Variants in SLC39A10 observed in about 807,000 individuals in gnomAD.
The protein encoded by SLC39A10 is zinc transporter ZIP10.
A neutral mutation model predicts 65.1 loss-of-function variants in SLC39A10; 13 were observed. The observed-to-expected ratio is 0.20, with a 90% CI of 0.13 to 0.32. The LOEUF is 0.32. Among genes scored for constraint, SLC39A10 ranks in the 10% least tolerant of loss-of-function variants. The pLI, the probability that SLC39A10 is intolerant of heterozygous loss-of-function variation, is 1.00. For synonymous variants in SLC39A10, 321 were observed against 342.2 expected, an observed-to-expected ratio of 0.94 and a Z score of 0.68; for missense variants, 831 against 1,018.4, an observed-to-expected ratio of 0.82 and a Z score of 2.50.
At chr2:195,733,444 G>C (rs1020884310) in intron 9 of SLC39A10, among the ~76,000 whole-genome samples, 1 of 152,108 alleles carries the variant, frequency 6.6e-6, no homozygotes, top group African/African-American at 2.4e-5. Context: ...CAAATTAAAG[G>C]AATTTAATTT....
chr2:195,695,066 C>T (rs1690893285), intron 3 of SLC39A10, among the ~76,000 whole-genome samples: 1 of 152,160 alleles, frequency 6.6e-6, no homozygotes, highest in Admixed American at 6.5e-5. Flanking sequence ...CCAGGCTTCT[C>T]CCAGCTGCAA....
intron 2 of SLC39A10, among the ~76,000 whole-genome samples, chr2:195,632,290 C>CT (rs202193660): frequency 0.16 from 11,386 of 69,114 alleles, 3,951 homozygotes; most frequent in Non-Finnish European, 0.21. Flanking sequence ...ATTCTACTTC[C>CT]TTTTTTTTTT....
In SLC39A10 at chr2:195,735,801, TTTGA is replaced by T. The variant is rs1157420082; in HGVS notation, c.*763_*766del. On this transcript the variant is annotated 3_prime_UTR_variant, in exon 10 of 10. Transcript: ENST00000359634. ...GTTTTGTTTTTTACTTTAATTTTGTTTTGATTTTTTTTTTTTTTTTTTGGCGGGG... is the reference window on the plus strand; with the variant it reads ...GTTTTGTTTTTTACTTTAATTTTGTTTTTTTTTTTTTTTTTTTTGGCGGGG... The T allele has an allele frequency of 8.2e-6, 1 of 122,286 alleles. No individual in the cohort carries two copies. The highest frequency in any genetic ancestry group is 1.7e-5 in the Non-Finnish European group (1 of 57,680). 7.6% of individuals were successfully genotyped at this position (122,286 alleles called of 1,614,324 possible).
chr2:195,673,232 A>G (rs1689942277), intron 1 of SLC39A10, among the ~76,000 whole-genome samples: 1 of 152,202 alleles, frequency 6.6e-6, no homozygotes, highest in South Asian at 2.1e-4. Flanking sequence ...GCTGGAGTGC[A>G]GTGGCAAGAT....
intron 3 of SLC39A10, among the ~76,000 whole-genome samples, chr2:195,687,916 G>C (rs1333961773): frequency 6.6e-6 from 1 of 152,182 alleles, no homozygotes; most frequent in Non-Finnish European, 1.5e-5. Flanking sequence ...AAATGCTGAA[G>C]CAGTGTAGAA....
At chr2:195,695,851 A>T (rs1428142206) in intron 3 of SLC39A10, among the ~76,000 whole-genome samples, 1 of 152,202 alleles carries the variant, frequency 6.6e-6, no homozygotes, top group Non-Finnish European at 1.5e-5. Context: ...TTCAGAAATT[A>T]TTCTCAAATC....
intron 2 of SLC39A10, among the ~76,000 whole-genome samples, chr2:195,641,768 T>G (rs1450847835): frequency 6.6e-6 from 1 of 150,376 alleles, no homozygotes; most frequent in African/African-American, 2.4e-5. Flanking sequence ...CTCTGCTCAC[T>G]GCAACCTCCG....
chr2:195,706,170 TGTA>T (rs1691389966), intron 3 of SLC39A10, among the ~76,000 whole-genome samples: 1 of 152,154 alleles, frequency 6.6e-6, no homozygotes, highest in African/African-American at 2.4e-5. Flanking sequence ...TCTTAAACTC[TGTA>T]TTAGAAAGAT....
chr2:195,667,596 G>T (rs2105744126), intron 1 of SLC39A10, among the ~76,000 whole-genome samples: 1 of 152,316 alleles, frequency 6.6e-6, no homozygotes, highest in East Asian at 1.9e-4. Flanking sequence ...TTAAGTGAAA[G>T]ATACATAATA....
chr2:195,669,070 C>G (rs1420706820), intron 1 of SLC39A10, among the ~76,000 whole-genome samples: 1 of 116,618 alleles, frequency 8.6e-6, no homozygotes, highest in Non-Finnish European at 1.9e-5. Flanking sequence ...GTGACTCCCT[C>G]TCAGAAAAAA....
chr2:195,672,975 T>A (rs1388298688), intron 1 of SLC39A10, among the ~76,000 whole-genome samples: 1 of 152,196 alleles, frequency 6.6e-6, no homozygotes, highest in East Asian at 1.9e-4. Context: ...CTTTTTATCT[T>A]CATTAGTGTA....
At chr2:195,685,624 C>T (rs192087447) in intron 3 of SLC39A10, among the ~76,000 whole-genome samples, 366 of 152,286 alleles carry the variant, frequency 2.4e-3, no homozygotes, top group Non-Finnish European at 6.8e-4. Context: ...GCCTGACTGA[C>T]GACTACGATT....
intron 5 of SLC39A10, among the ~76,000 whole-genome samples, chr2:195,711,191 C>T: frequency 6.6e-6 from 1 of 152,208 alleles, no homozygotes; most frequent in East Asian, 1.9e-4. Flanking sequence ...ATCTGAAATG[C>T]TCCAGTGAGC....
intron 2 of SLC39A10, among the ~76,000 whole-genome samples, chr2:195,621,564 C>A (rs929994260): frequency 2.0e-5 from 3 of 152,168 alleles, no homozygotes; most frequent in Admixed American, 1.3e-4. Context: ...TCATTTTCCT[C>A]CAAATACTTT....
At chr2:195,672,814 C>T (rs1332805202) in intron 1 of SLC39A10, among the ~76,000 whole-genome samples, 1 of 152,186 alleles carries the variant, frequency 6.6e-6, no homozygotes, top group Non-Finnish European at 1.5e-5. Flanking sequence ...AAAGAAACCT[C>T]ATGGTATTTA....
In SLC39A10 at chr2:195,716,651, G is replaced by T. The variant is rs1224065546; in HGVS notation, c.1711G>T (p.Val571Phe). Reference protein sequence around the residue: ...LKPLAGTDDSVVSEDRLNETE... With the variant: ...LKPLAGTDDSFVSEDRLNETE... Reference sequence around the variant, plus strand: ...TATAAATACAGGAACTGATGACTCGGTTGTTTCTGAAGATCGACTTAATGA... The same window carrying T: ...TATAAATACAGGAACTGATGACTCGTTTGTTTCTGAAGATCGACTTAATGA... Residue 571 changes from valine to phenylalanine, a missense_variant, in exon 7 of 10, where the codon GTT becomes TTT. Physicochemically the swap from Val to Phe is conservative, Grantham distance 50. Transcript: ENST00000359634. 3.7e-6 allele frequency: 6 copies of T among 1,605,228 alleles called. No homozygotes were observed. Among genetic ancestry groups the T allele is most frequent in the South Asian group, 1.1e-5 (1 of 88,946 alleles).
chr2:195,636,684 C>T (rs981152949), intron 2 of SLC39A10, among the ~76,000 whole-genome samples: 7 of 152,128 alleles, frequency 4.6e-5, no homozygotes, highest in South Asian at 2.1e-4. Context: ...ACCTGGGAGG[C>T]GGAGCTTGCA....
rs150885100 is a variant in SLC39A10 at position 195,665,174 on chromosome 2, G to A, written c.-12+7893G>A. 8.5e-3 allele frequency among the ~76,000 whole-genome samples: 1,296 copies of A among 152,284 alleles called. 15 individuals are homozygous for A. The highest frequency in any genetic ancestry group is 0.03 in the African/African-American group (1,252 of 41,560). On this transcript the variant is annotated intron_variant, in intron 1 of 9. Coordinates refer to ENST00000359634, the MANE Select transcript of SLC39A10 (RefSeq NM_020342.3). ...TCTATTAAAAATACAAAAATTAGCT[G>A]GGTGTGGTAGCAGGTGCCTGTAATC...
intron 5 of SLC39A10, among the ~76,000 whole-genome samples, chr2:195,709,655 C>CAT (rs1489474137): frequency 6.6e-6 from 1 of 152,188 alleles, no homozygotes; most frequent in Non-Finnish European, 1.5e-5. Flanking sequence ...GGATTACAGG[C>CAT]ATGAGGCACC....
Sources: gnomAD v4.1 joint callset for allele counts (sites outside exome capture counted in the v4.1 genomes callset) on GRCh38, gnomAD v4.1.1 for gene constraint, MANE v1.5 for transcripts, NCBI Gene and HGNC (gene_info 2026-07-23, HGNC 2026-07-21) for gene names.